The following SLK variants were observed in gnomAD, a reference collection of about 807,000 sequenced individuals.
The protein encoded by SLK is STE20 like kinase, also known as STE20-like serine/threonine-protein kinase.
Under a neutral mutation model 147.7 loss-of-function variants are expected in SLK, and 67 were observed. The observed-to-expected ratio is 0.45, with a 90% confidence interval of 0.37 to 0.56. The LOEUF (loss-of-function observed/expected upper bound fraction) is 0.56, where lower values mean the gene tolerates loss of function less well. Among genes scored for constraint, SLK ranks in the 20% least tolerant of loss-of-function variants. The probability of loss-of-function intolerance (pLI) is 0.00; values close to 1 mark genes in which losing one functional copy is unlikely to be tolerated. For missense variants in SLK, 1,136 were observed against 1,438.8 expected, an observed-to-expected ratio of 0.79 and a Z score of 3.41; for synonymous variants, 441 against 475.0, an observed-to-expected ratio of 0.93 and a Z score of 0.93.
Position 104,025,808 on chromosome 10 carries a change from G to A in SLK, c.*88G>A. On this transcript the variant is annotated 3_prime_UTR_variant, in exon 19 of 19. Coordinates refer to ENST00000369755, the MANE Select transcript of SLK (RefSeq NM_014720.4). ...TGCCACAGTCTCTCAGATAGCTCAT[G>A]AAGACAATCACCTGCCTCACCTTCT... 9 of 1,146,946 alleles carry A rather than the reference G, an allele frequency of 7.8e-6. No homozygotes were observed. The highest frequency in any genetic ancestry group is 1.1e-5 in the Non-Finnish European group (9 of 803,546). 71.0% of individuals were successfully genotyped at this position (1,146,946 alleles called of 1,614,324 possible).
chr10:103,987,655 A>G (rs926365237), intron 1 of SLK, among the ~76,000 whole-genome samples: 22 of 152,368 alleles, frequency 1.4e-4, no homozygotes, highest in Middle Eastern at 3.4e-3. Context: ...GTTAATATAC[A>G]TCATAGTGAA....
chr10:104,000,414 C>G (rs1844230020), intron 7 of SLK, among the ~76,000 whole-genome samples: 1 of 152,062 alleles, frequency 6.6e-6, no homozygotes, highest in Admixed American at 6.6e-5. Flanking sequence ...AATGACAAAT[C>G]TTGAGGCAAT....
intron 13 of SLK, among the ~76,000 whole-genome samples, chr10:104,014,854 G>T (rs964602632): frequency 6.6e-6 from 1 of 151,080 alleles, no homozygotes; most frequent in Non-Finnish European, 1.5e-5. Context: ...AATAATTTGG[G>T]TTCTTTTGTT....
At chr10:104,019,226 G>T in intron 15 of SLK, 2 of 217,358 alleles carry the variant, frequency 9.2e-6, no homozygotes, top group Non-Finnish European at 1.9e-5. Flanking sequence ...TGGACTCCTT[G>T]TACTTATTAA....
At chr10:103,972,730 T>G (rs901980732) in intron 1 of SLK, among the ~76,000 whole-genome samples, 10 of 152,172 alleles carry the variant, frequency 6.6e-5, no homozygotes, top group South Asian at 2.1e-4. Context: ...ATTGTCAGAA[T>G]TTTAAAGTTT....
intron 1 of SLK, among the ~76,000 whole-genome samples, chr10:103,971,551 C>T (rs1843793976): frequency 6.6e-6 from 1 of 152,202 alleles, no homozygotes; most frequent in Non-Finnish European, 1.5e-5. Flanking sequence ...GGATTAGAGG[C>T]ATGAGCCACT....
At chr10:103,986,692 T>TTTC (rs368766440) in intron 1 of SLK, among the ~76,000 whole-genome samples, 2 of 125,130 alleles carry the variant, frequency 1.6e-5, no homozygotes, top group East Asian at 2.2e-4. Context: ...TTTTTTTTTT[T>TTTC]CCCTGAGACA....
At chr10:103,983,321 C>T (rs1239952581) in intron 1 of SLK, among the ~76,000 whole-genome samples, 8 of 152,120 alleles carry the variant, frequency 5.3e-5, no homozygotes, top group Non-Finnish European at 8.8e-5. Context: ...TCCTTCAGTG[C>T]GGTTTCCTCT....
At chr10:103,977,815 T>C (rs928349075) in intron 1 of SLK, among the ~76,000 whole-genome samples, 3 of 152,220 alleles carry the variant, frequency 2.0e-5, no homozygotes, top group Admixed American at 1.3e-4. Context: ...TTAACCTTAT[T>C]GAGTGCTCTT....
chr10:104,005,806 T>C (rs1844317068), intron 10 of SLK, 106 bp from the exon 11 acceptor site: 1 of 1,489,930 alleles, frequency 6.7e-7, no homozygotes, highest in African/African-American at 1.4e-5. Context: ...TTTATTCTTT[T>C]ACTACCGTTC....
At chr10:104,015,021 G>A (rs1844444704) in intron 13 of SLK, among the ~76,000 whole-genome samples, 2 of 151,966 alleles carry the variant, frequency 1.3e-5, no homozygotes, top group South Asian at 4.1e-4. Flanking sequence ...GGCTTTTGAA[G>A]TTAGGGAATT....
intron 13 of SLK, 132 bp downstream of exon 13, chr10:104,011,040 C>T (rs996562195): frequency 2.1e-6 from 1 of 475,694 alleles, no homozygotes; most frequent in Non-Finnish European, 3.6e-6. Context: ...TCAAAAACTC[C>T]TGGAATCTTC....
chr10:103,981,693 AT>A (rs1843945314), intron 1 of SLK, among the ~76,000 whole-genome samples: 1 of 149,808 alleles, frequency 6.7e-6, no homozygotes, highest in Non-Finnish European at 1.5e-5. Flanking sequence ...TCTCTATTCC[AT>A]TGGTTTATAT....
chr10:104,018,962 CTA>C, intron 15 of SLK, 54 bp downstream of exon 15: 1 of 1,494,756 alleles, frequency 6.7e-7, no homozygotes, highest in Non-Finnish European at 9.0e-7. Flanking sequence ...GTTTGCAAAG[CTA>C]TTTAGTTTTG....
chr10:103,981,681 G>A (rs1052337300), intron 1 of SLK, among the ~76,000 whole-genome samples: 3 of 146,746 alleles, frequency 2.0e-5, no homozygotes, highest in Non-Finnish European at 3.0e-5. Flanking sequence ...TTTTTTTTCT[G>A]GTCTCTATTC....
intron 13 of SLK, among the ~76,000 whole-genome samples, chr10:104,012,613 ACACAC>A (rs1254327458): frequency 1.3e-5 from 2 of 152,218 alleles, no homozygotes; most frequent in Non-Finnish European, 2.9e-5. Context: ...TCCCAAGGTC[ACACAC>A]CTGGGTAGTG....
rs756294629 is a variant in SLK at position 104,001,436 on chromosome 10, A to T, written c.865-8A>T. On this transcript the variant is annotated splice_region_variant and splice_polypyrimidine_tract_variant and intron_variant, in intron 7 of 18. Transcript: ENST00000369755. ...GTTGTTGAGTATGTTCTTTTTAATGATCAACAGCATCCCTTTGTTACTGTT... is the reference window on the plus strand; with the variant it reads ...GTTGTTGAGTATGTTCTTTTTAATGTTCAACAGCATCCCTTTGTTACTGTT... 3 of 1,612,594 alleles carry T rather than the reference A, an allele frequency of 1.9e-6. No homozygotes were observed. In the Admixed American group the frequency reaches 5.0e-5, roughly 27 times the overall value.
At chr10:104,000,135 C>T (rs948166629) in intron 7 of SLK, among the ~76,000 whole-genome samples, 187 bp downstream of exon 7, 10 of 152,146 alleles carry the variant, frequency 6.6e-5, no homozygotes, top group African/African-American at 2.4e-4. Flanking sequence ...GTTATTCCTC[C>T]TGTGCTTTTT....
chr10:104,013,191 A>G (rs1844420959), intron 13 of SLK, among the ~76,000 whole-genome samples: 1 of 152,270 alleles, frequency 6.6e-6, no homozygotes, highest in African/African-American at 2.4e-5. Context: ...ATTCATAAGT[A>G]ATGGTCATAC....
Sources: gnomAD v4.1 joint callset for allele counts (sites outside exome capture counted in the v4.1 genomes callset) on GRCh38, gnomAD v4.1.1 for gene constraint, MANE v1.5 for transcripts, NCBI Gene and HGNC (gene_info 2026-07-23, HGNC 2026-07-21) for gene names.